PCCA: variants seen among roughly 807,000 people sequenced by gnomAD.
PCCA encodes propionyl-CoA carboxylase subunit alpha.
Under a neutral mutation model 101.3 loss-of-function variants are expected in PCCA, and 74 were observed. That is an observed-to-expected ratio of 0.73 (90% CI 0.61 to 0.89). The LOEUF (loss-of-function observed/expected upper bound fraction) is 0.89. PCCA is among the 40% of genes least tolerant of loss of function. The pLI is 0.00. For synonymous variants in PCCA, 294 were observed against 313.6 expected (o/e 0.94, Z 0.66); for missense variants, 891 against 907.0 (o/e 0.98, Z 0.23).
chr13:100,135,242 T>C (rs181362008), intron 4 of PCCA, among the ~76,000 whole-genome samples: 207 of 151,438 alleles, frequency 1.4e-3, no homozygotes, highest in African/African-American at 4.4e-3. Flanking sequence ...CAAACAAAAA[T>C]ATAGTAGGGT....
At chr13:100,404,223 C>T (rs1468614708) in intron 19 of PCCA, among the ~76,000 whole-genome samples, 2 of 152,114 alleles carry the variant, frequency 1.3e-5, no homozygotes, top group Non-Finnish European at 2.9e-5. Context: ...AAAAATTAGG[C>T]CTTTTACCAG....
At chr13:100,395,946 G>GACA (rs2077025493) in intron 19 of PCCA, among the ~76,000 whole-genome samples, 1 of 152,148 alleles carries the variant, frequency 6.6e-6, no homozygotes, top group Non-Finnish European at 1.5e-5. Context: ...TGGATATAGG[G>GACA]ACACAAGCAA....
chr13:100,128,837 C>T (rs2050216663), intron 4 of PCCA, among the ~76,000 whole-genome samples: 1 of 152,198 alleles, frequency 6.6e-6, no homozygotes, highest in Non-Finnish European at 1.5e-5. Context: ...TTCTGTGGCC[C>T]TCCTCTGTGT....
In PCCA at chr13:100,096,051, A is replaced by G. The variant is rs1196369241; in HGVS notation, c.105+6826A>G. On this transcript the variant is annotated intron_variant, in intron 1 of 23. Transcript: ENST00000376285. ...TGAGAACTGGTCAGACTTGGAATGT[A>G]TTTTGGAGCTAGAGCCAGTATCTTG... is the stretch of plus-strand genomic sequence containing the variant. Among the ~76,000 whole-genome samples the G allele has an allele frequency of 3.9e-5, 6 of 152,156 alleles. No individual in the cohort carries two copies. The East Asian group carries it at 5.8e-4, about 15-fold the overall frequency.
At chr13:100,289,021 A>G (rs2064919216) in intron 12 of PCCA, among the ~76,000 whole-genome samples, 1 of 152,278 alleles carries the variant, frequency 6.6e-6, no homozygotes, top group South Asian at 2.1e-4. Flanking sequence ...AGTATCAGAC[A>G]TTATATAAAT....
intron 19 of PCCA, among the ~76,000 whole-genome samples, chr13:100,383,615 GA>G (rs112283573): frequency 2.8e-4 from 40 of 144,492 alleles, no homozygotes; most frequent in East Asian, 1.0e-3. Flanking sequence ...ACCCCGTGTC[GA>G]AAAAAAAAAA....
chr13:100,267,372 G>A (rs2063009242), intron 10 of PCCA, among the ~76,000 whole-genome samples: 1 of 152,028 alleles, frequency 6.6e-6, no homozygotes, highest in African/African-American at 2.4e-5. Context: ...TCATTCTTGA[G>A]TTTCAGAAAG....
chr13:100,452,263 C>A (rs2081383474), intron 21 of PCCA, among the ~76,000 whole-genome samples: 3 of 151,704 alleles, frequency 2.0e-5, no homozygotes, highest in Admixed American at 1.3e-4. Context: ...TCTCCCCTGT[C>A]TCTGTCTCTG....
chr13:100,143,978 G>A (rs1215525776), intron 4 of PCCA, among the ~76,000 whole-genome samples: 1 of 150,782 alleles, frequency 6.6e-6, no homozygotes, highest in African/African-American at 2.4e-5. Flanking sequence ...TGCCCAAGCT[G>A]GTCTGGAACT....
At chr13:100,335,946 A>C (rs1430009288) in intron 17 of PCCA, among the ~76,000 whole-genome samples, 3 of 152,216 alleles carry the variant, frequency 2.0e-5, no homozygotes, top group Non-Finnish European at 4.4e-5. Context: ...GATTAGAATC[A>C]GGACCTCTAT....
At chr13:100,124,460 G>T (rs896023659) in intron 4 of PCCA, among the ~76,000 whole-genome samples, 1 of 152,166 alleles carries the variant, frequency 6.6e-6, no homozygotes, top group Admixed American at 6.5e-5. Context: ...TCCCTGGTGC[G>T]CACTGTAGTC....
At chr13:100,342,760 C>T (rs1022773321) in intron 18 of PCCA, among the ~76,000 whole-genome samples, 10 of 134,294 alleles carry the variant, frequency 7.4e-5, no homozygotes, top group Admixed American at 1.6e-4. Context: ...TTGCTTTTGT[C>T]GCCCAGGCTG....
intron 4 of PCCA, among the ~76,000 whole-genome samples, chr13:100,120,731 AT>A (rs1452190909): frequency 4.0e-5 from 6 of 151,596 alleles, no homozygotes; most frequent in African/African-American, 1.5e-4. Context: ...TAAGTCATGA[AT>A]TTTTTTTTAT....
intron 6 of PCCA, among the ~76,000 whole-genome samples, chr13:100,203,120 A>AC: frequency 6.6e-6 from 1 of 152,036 alleles, no homozygotes; most frequent in Admixed American, 6.6e-5. Context: ...AAAATACAAA[A>AC]AAAATTAGCC....
intron 19 of PCCA, among the ~76,000 whole-genome samples, chr13:100,398,095 A>C (rs2077138446): frequency 6.6e-6 from 1 of 152,156 alleles, no homozygotes; most frequent in Non-Finnish European, 1.5e-5. Context: ...GCTACGAAAA[A>C]CACCAAGGAA....
chr13:100,184,429 T>C (rs2057069025), intron 6 of PCCA, among the ~76,000 whole-genome samples: 2 of 152,210 alleles, frequency 1.3e-5, no homozygotes, highest in South Asian at 4.1e-4. Flanking sequence ...TAGGCAGATA[T>C]TTATAAATAC....
At chr13:100,127,073 A>G (rs576619032) in intron 4 of PCCA, among the ~76,000 whole-genome samples, 1 of 152,330 alleles carries the variant, frequency 6.6e-6, no homozygotes, top group South Asian at 2.1e-4. Context: ...AGCTTAAGCC[A>G]CCCGGAGTTA....
Position 100,394,317 on chromosome 13 carries a change from C to T in PCCA, c.1746+25743C>T, listed in dbSNP as rs1251978513. The stretch of plus-strand genomic sequence containing the variant: ...GTACTGCTTTTTGATGTTGGTTTCC[C>T]TTTAACTGAGAAGACCTTATGTTTA... On this transcript the variant is annotated intron_variant, in intron 19 of 23. Coordinates refer to ENST00000376285, the MANE Select transcript of PCCA (RefSeq NM_000282.4). This position sits in a 1 kb window ranked among gnomAD's most constrained non-coding sequence, Gnocchi z 4.3. Among the ~76,000 whole-genome samples, 1 of 152,012 alleles carries T rather than the reference C, an allele frequency of 6.6e-6. No individual in the cohort carries two copies. Among genetic ancestry groups the T allele is most frequent in the East Asian group, 1.9e-4 (1 of 5,192 alleles).
intron 16 of PCCA, among the ~76,000 whole-genome samples, chr13:100,325,749 A>G (rs2068605674): frequency 6.6e-6 from 1 of 152,164 alleles, no homozygotes; most frequent in African/African-American, 2.4e-5. Flanking sequence ...TACAACAAGA[A>G]GGCTTGGACA....
Sources: allele counts gnomAD v4.1 joint callset (sites outside exome capture counted in the v4.1 genomes callset), GRCh38; gene constraint gnomAD v4.1.1; non-coding constraint Gnocchi (gnomAD v3.1); transcripts MANE v1.5; gene names NCBI Gene and HGNC (gene_info 2026-07-23, HGNC 2026-07-21).